The following SULT2B1 variants were observed in gnomAD, a reference collection of about 807,000 sequenced individuals.
SULT2B1 encodes the protein sulfotransferase family 2B member 1, also known as sulfotransferase 2B1.
A neutral mutation model predicts 33.2 loss-of-function variants in SULT2B1; 16 were observed. The observed-to-expected ratio is 0.48, with a 90% CI of 0.33 to 0.73. The LOEUF is 0.73. SULT2B1 is among the 30% of genes least tolerant of loss of function. SULT2B1 has a pLI of 0.02. For synonymous variants in SULT2B1, 186 were observed against 200.5 expected, an observed-to-expected ratio of 0.93 and a Z score of 0.61; for missense variants, 500 against 506.0, an observed-to-expected ratio of 0.99 and a Z score of 0.11.
intron 1 of SULT2B1, among the ~76,000 whole-genome samples, chr19:48,569,744 A>G (rs8107786): frequency 0.65 from 97,772 of 150,458 alleles, 32,327 homozygotes; most frequent in African/African-American, 0.76. Context: ...CCAGCTCACC[A>G]TGACCTCCGC....
intron 1 of SULT2B1, among the ~76,000 whole-genome samples, chr19:48,557,536 T>G (rs1973115204): frequency 6.7e-6 from 1 of 149,334 alleles, no homozygotes; most frequent in African/African-American, 2.5e-5. Flanking sequence ...TGAAACTCCA[T>G]CTCAAAAAAA....
At chr19:48,586,090 T>C (rs1192813681) in intron 2 of SULT2B1, among the ~76,000 whole-genome samples, 2 of 151,766 alleles carry the variant, frequency 1.3e-5, no homozygotes, top group Non-Finnish European at 2.9e-5. Flanking sequence ...GGTGTGGTTG[T>C]GTGCACCTGT....
Position 48,599,016 on chromosome 19 carries a change from C to A in SULT2B1, c.827-119C>A. 6.8e-7 allele frequency: 1 copy of A among 1,467,154 alleles called. No individual in the cohort carries two copies. Among genetic ancestry groups the A allele is most frequent in the South Asian group, 1.4e-5 (1 of 72,374 alleles). The allele number at this position is 1,467,154 out of a possible 1,614,324, so 90.9% of individuals were successfully genotyped here. On this transcript the variant is annotated intron_variant, in intron 6 of 6. Coordinates refer to ENST00000201586, the MANE Select transcript of SULT2B1 (RefSeq NM_177973.2). The surrounding 1 kb of genome is among the most constrained non-coding windows in gnomAD (Gnocchi z 4.1). ...GTGGAGGGTAGGGAGGACGGTGTTTCTGGCAAAGGGAACACCTCGCCAAAG... is the reference window on the plus strand; with the variant it reads ...GTGGAGGGTAGGGAGGACGGTGTTTATGGCAAAGGGAACACCTCGCCAAAG...
intron 1 of SULT2B1, among the ~76,000 whole-genome samples, chr19:48,559,251 G>C (rs149256732): frequency 0.014 from 2,126 of 152,210 alleles, 28 homozygotes; most frequent in Middle Eastern, 0.13. Context: ...TCTTTGGGGT[G>C]GGGGGAGGCA....
intron 1 of SULT2B1, among the ~76,000 whole-genome samples, chr19:48,557,472 G>A (rs541835685): frequency 4.3e-4 from 66 of 152,080 alleles, no homozygotes; most frequent in African/African-American, 1.5e-3. Flanking sequence ...CCCAGGAGGC[G>A]GAGGTTGCAG....
rs190053222 is a variant in SULT2B1, at chr19:48,567,580, G to A, written c.72-8361G>A. On this transcript the variant is annotated intron_variant, in intron 1 of 6. Coordinates refer to ENST00000201586, the MANE Select transcript of SULT2B1 (RefSeq NM_177973.2). The stretch of plus-strand genomic sequence containing the variant: ...ACAAAAAAAGAACACAGTGTTACCC[G>A]TGTGTCGGACATTGGCTTTGAAGGT... Among the ~76,000 whole-genome samples, 11 of 152,126 alleles carry A rather than the reference G, an allele frequency of 7.2e-5. No homozygotes were observed. In the East Asian group the frequency reaches 7.8e-4, roughly 11 times the overall value.
chr19:48,561,596 C>T (rs967157819), intron 1 of SULT2B1, among the ~76,000 whole-genome samples: 1 of 151,756 alleles, frequency 6.6e-6, no homozygotes, highest in African/African-American at 2.4e-5. Context: ...GGGTGCGGTT[C>T]CACGGTGTAG....
chr19:48,580,186 C>T (rs1429731058), intron 2 of SULT2B1, among the ~76,000 whole-genome samples: 2 of 151,822 alleles, frequency 1.3e-5, no homozygotes, highest in Admixed American at 1.3e-4. Flanking sequence ...CCCTCCTTGG[C>T]CTCCCAAAGT....
rs1036466039 is a variant in SULT2B1, at chr19:48,552,990, G to A, written c.71+667G>A. 2.6e-5 allele frequency among the ~76,000 whole-genome samples: 4 copies of A among 152,128 alleles called. No individual in the cohort carries two copies. The highest frequency in any genetic ancestry group is 7.2e-5 in the African/African-American group (3 of 41,424). ...GGGAACGCGACATGACCGCAATTAC[G>A]CAGCTAGAAGCAAATCTGAACCCGG... On this transcript the variant is annotated intron_variant, in intron 1 of 6. Coordinates refer to ENST00000201586, the MANE Select transcript of SULT2B1 (RefSeq NM_177973.2). The surrounding 1 kb of genome is among the most constrained non-coding windows in gnomAD (Gnocchi z 4.8).
intron 1 of SULT2B1, among the ~76,000 whole-genome samples, chr19:48,558,222 A>C (rs1321724272): frequency 6.6e-6 from 1 of 152,192 alleles, no homozygotes; most frequent in Admixed American, 6.6e-5. Context: ...GGGCGTAGCC[A>C]GGATTTGAAC....
intron 2 of SULT2B1, among the ~76,000 whole-genome samples, chr19:48,585,979 G>A (rs192591853): frequency 5.4e-4 from 82 of 152,292 alleles, no homozygotes; most frequent in African/African-American, 1.8e-3. Flanking sequence ...CACCTTGGGA[G>A]GCTGAGGCAG....
In SULT2B1 at chr19:48,599,200, C is replaced by T. The variant is rs749037593; in HGVS notation, c.892C>T (p.Arg298Cys). Reference sequence around the variant, plus strand: ...GAGCGAAGCCTTCGATCGTGCCTACCGCAAGCAGATGCGGGGGATGCCGAC... The same window carrying T: ...GAGCGAAGCCTTCGATCGTGCCTACTGCAAGCAGATGCGGGGGATGCCGAC... ...AQSEAFDRAY[R>C]KQMRGMPTFP... is the part of the protein sequence containing the mutation. The change falls in exon 7 of 7, where the codon CGC becomes TGC. Residue 298 changes from arginine to cysteine, a missense_variant. Arg to Cys is a radical substitution (Grantham distance 180). Coordinates refer to ENST00000201586, the MANE Select transcript of SULT2B1 (RefSeq NM_177973.2). The surrounding 1 kb of genome is among the most constrained non-coding windows in gnomAD (Gnocchi z 4.1). The T allele has an allele frequency of 1.4e-5, 22 of 1,605,098 alleles. No individual in the cohort carries two copies. The highest frequency in any genetic ancestry group is 4.5e-5 in the East Asian group (2 of 44,610).
chr19:48,569,316 T>TG lies in SULT2B1; in HGVS notation c.72-6622dup, dbSNP rs1457182812. 1.1e-3 allele frequency among the ~76,000 whole-genome samples: 158 copies of TG among 139,372 alleles called. 1 individual carries two copies. The highest frequency in any genetic ancestry group is 3.9e-3 in the African/African-American group (150 of 38,418). 91.4% of individuals were successfully genotyped at this position (139,372 alleles called of 152,430 possible). Reference sequence around the variant, plus strand: ...AAGATCGCGCCACTGCACTCCAGCCTGGGCGACAGAGAGAGACTCCGTCTC... The same window carrying TG: ...AAGATCGCGCCACTGCACTCCAGCCTGGGGCGACAGAGAGAGACTCCGTCTC... On this transcript the variant is annotated intron_variant, in intron 1 of 6. Transcript: ENST00000201586.
At chr19:48,578,059 A>G (rs1973438155) in intron 2 of SULT2B1, among the ~76,000 whole-genome samples, 1 of 151,964 alleles carries the variant, frequency 6.6e-6, no homozygotes, top group Non-Finnish European at 1.5e-5. Context: ...TCTAAAAAAA[A>G]AAAATTAGCC....
At chr19:48,571,394 A>C (rs944339070) in intron 1 of SULT2B1, among the ~76,000 whole-genome samples, 1 of 150,970 alleles carries the variant, frequency 6.6e-6, no homozygotes, top group African/African-American at 2.4e-5. Flanking sequence ...ATGGGGTTTC[A>C]CCATGTTGGC....
intron 1 of SULT2B1, among the ~76,000 whole-genome samples, chr19:48,574,699 G>A (rs532412315): frequency 4.6e-5 from 7 of 152,320 alleles, no homozygotes; most frequent in Admixed American, 2.6e-4. Flanking sequence ...GACAGATGAG[G>A]AAACTGAGGA....
chr19:48,597,610 TG>T, intron 6 of SULT2B1, among the ~76,000 whole-genome samples: 1 of 151,312 alleles, frequency 6.6e-6, no homozygotes, highest in Non-Finnish European at 1.5e-5. Context: ...CCCAAAGTGC[TG>T]GGATTACAGG....
At chr19:48,563,624 G>A (rs1601089309) in intron 1 of SULT2B1, among the ~76,000 whole-genome samples, 1 of 152,194 alleles carries the variant, frequency 6.6e-6, no homozygotes, top group African/African-American at 2.4e-5. Context: ...GGTGGGGGAC[G>A]TAGAGGGGTG....
intron 1 of SULT2B1, among the ~76,000 whole-genome samples, chr19:48,555,255 CTAA>C (rs1973083123): frequency 6.6e-6 from 1 of 152,032 alleles, no homozygotes; most frequent in African/African-American, 2.4e-5. Flanking sequence ...CCATGCCTGG[CTAA>C]TTTTTATATT....
Sources: allele counts gnomAD v4.1 joint callset (sites outside exome capture counted in the v4.1 genomes callset), GRCh38; gene constraint gnomAD v4.1.1; non-coding constraint Gnocchi (gnomAD v3.1); transcripts MANE v1.5; gene names NCBI Gene and HGNC (gene_info 2026-07-23, HGNC 2026-07-21).